Variants in CDH7 observed in about 807,000 individuals in gnomAD.
CDH7 encodes the protein cadherin-7.
CDH7 carries 25 observed loss-of-function variants against 71.8 expected under a neutral mutation model. The ratio of observed to expected loss-of-function variants is 0.35; its 90% CI spans 0.25 to 0.49. The LOEUF (loss-of-function observed/expected upper bound fraction) is 0.49, where lower values mean the gene tolerates loss of function less well. Ranked by LOEUF, CDH7 falls within the 20% of genes least tolerant of loss-of-function variation. CDH7 has a pLI of 0.99. For missense variants in CDH7, 862 were observed against 974.6 expected, an observed-to-expected ratio of 0.88 and a Z score of 1.54; for synonymous variants, 381 against 363.8, an observed-to-expected ratio of 1.05 and a Z score of -0.54.
At chr18:65,779,095 G>GA (rs1468628720) in intron 2 of CDH7, among the ~76,000 whole-genome samples, 27 of 150,436 alleles carry the variant, frequency 1.8e-4, no homozygotes, top group African/African-American at 6.4e-4. Context: ...TTTTTTAATG[G>GA]AAAAAATGAG....
At chr18:65,771,832 T>C (rs8092224) in intron 2 of CDH7, among the ~76,000 whole-genome samples, 151,514 of 152,276 alleles carry the variant, frequency 0.99, 75,379 homozygotes, top group Middle Eastern at 1. Flanking sequence ...GAGAGCCAAA[T>C]GACATTGGGG....
chr18:65,882,726 A>T lies in CDH7; in HGVS notation c.*1832A>T, dbSNP rs879140821. 6.6e-5 allele frequency: 10 copies of T among 152,250 alleles called. No homozygotes were observed. Among genetic ancestry groups the T allele is most frequent in the South Asian group, 4.1e-4 (2 of 4,828 alleles). The allele number at this position is 152,250 out of a possible 1,614,324, so 9.4% of individuals were successfully genotyped here. On this transcript the variant is annotated 3_prime_UTR_variant, in exon 12 of 12. Coordinates refer to ENST00000397968, the MANE Select transcript of CDH7 (RefSeq NM_004361.5). ...CTGTATTAATATGCATATATATTTTAAAAAATTATAACAGTGAAAGATACT... is the reference window on the plus strand; with the variant it reads ...CTGTATTAATATGCATATATATTTTTAAAAATTATAACAGTGAAAGATACT...
rs536119822 is a variant in CDH7 at position 65,765,427 on chromosome 18, T to C, written c.210+2375T>C. ...ACTTTGACTTAAGTACGTTTTTTAT[T>C]ACTTGGGTAAATAGACACATTTTCC... On this transcript the variant is annotated intron_variant, in intron 2 of 11. Coordinates refer to ENST00000397968, the MANE Select transcript of CDH7 (RefSeq NM_004361.5). Among the ~76,000 whole-genome samples, 8 of 151,870 alleles carry C rather than the reference T, an allele frequency of 5.3e-5. No individual in the cohort carries two copies. The South Asian group carries it at 8.3e-4, about 16-fold the overall frequency.
In CDH7 at chr18:65,805,432, T is replaced by C. The variant is rs1484722; in HGVS notation, c.211-4272T>C. ...GCCTGGGAGATAGTATGGAGTCAGA[T>C]TGGGACTCATGCCTAGAATTTTCGG... On this transcript the variant is annotated intron_variant, in intron 2 of 11. Transcript: ENST00000397968. Among the ~76,000 whole-genome samples the C allele has an allele frequency of 8.5e-3, 1,288 of 152,232 alleles. 14 individuals carry two copies. Among genetic ancestry groups the C allele is most frequent in the African/African-American group, 0.029 (1,210 of 41,546 alleles).
At chr18:65,821,495 G>C (rs780112942) in intron 4 of CDH7, among the ~76,000 whole-genome samples, 2 of 152,094 alleles carry the variant, frequency 1.3e-5, no homozygotes, top group Non-Finnish European at 2.9e-5. Flanking sequence ...TAGTGTATTA[G>C]AATAAATGAG....
At chr18:65,786,040 C>T (rs908701858) in intron 2 of CDH7, among the ~76,000 whole-genome samples, 5 of 152,010 alleles carry the variant, frequency 3.3e-5, no homozygotes, top group Admixed American at 6.6e-5. Flanking sequence ...AGATATTACC[C>T]GGAATAAATA....
chr18:65,809,253 T>C (rs1911435896), intron 2 of CDH7, among the ~76,000 whole-genome samples: 1 of 152,128 alleles, frequency 6.6e-6, no homozygotes, highest in African/African-American at 2.4e-5. Flanking sequence ...AAGGGCACCC[T>C]TAAATAATAT....
At chr18:65,857,084 A>G (rs1913386511) in intron 7 of CDH7, among the ~76,000 whole-genome samples, 1 of 151,680 alleles carries the variant, frequency 6.6e-6, no homozygotes, top group East Asian at 1.9e-4. Flanking sequence ...ATTACTAAGT[A>G]TATGCAAATG....
chr18:65,829,592 G>A lies in CDH7; in HGVS notation c.981+4761G>A, dbSNP rs908866900. 4.0e-5 allele frequency among the ~76,000 whole-genome samples: 6 copies of A among 151,782 alleles called. No homozygotes were observed. In the South Asian group the frequency reaches 1.2e-3, roughly 32 times the overall value. ...CTACTTGTAATTCCTGGAGAGCAAC[G>A]TAAAGTTTTTTCCAGTTCTTCAAAC... On this transcript the variant is annotated intron_variant, in intron 6 of 11. Transcript: ENST00000397968.
At chr18:65,849,389 CTTTTCT>C (rs1913059719) in intron 7 of CDH7, among the ~76,000 whole-genome samples, 1 of 113,512 alleles carries the variant, frequency 8.8e-6, no homozygotes, top group East Asian at 2.1e-4. Context: ...CTTTTCTTTT[CTTTTCT>C]TTTCTTTTCT....
intron 2 of CDH7, among the ~76,000 whole-genome samples, chr18:65,764,654 A>G (rs918094439): frequency 2.0e-5 from 3 of 152,080 alleles, no homozygotes; most frequent in Non-Finnish European, 4.4e-5. Context: ...ATAATATTCA[A>G]GTAATGTATA....
chr18:65,816,383 G>T (rs1299592064), intron 4 of CDH7, among the ~76,000 whole-genome samples: 1 of 151,942 alleles, frequency 6.6e-6, no homozygotes, highest in Non-Finnish European at 1.5e-5. Context: ...AAGGGCATGG[G>T]GAATTATAAA....
At chr18:65,861,304 G>A (rs1408693169) in intron 10 of CDH7, among the ~76,000 whole-genome samples, 8 of 147,622 alleles carry the variant, frequency 5.4e-5, no homozygotes, top group Admixed American at 1.4e-4. Flanking sequence ...GGGCATTTCA[G>A]CTTGTGTTCC....
intron 1 of CDH7, among the ~76,000 whole-genome samples, chr18:65,755,201 C>T (rs1161592584): frequency 6.6e-6 from 1 of 152,176 alleles, no homozygotes; most frequent in Non-Finnish European, 1.5e-5. Context: ...CTTTAAAATA[C>T]TCATTACATA....
intron 7 of CDH7, among the ~76,000 whole-genome samples, chr18:65,849,930 G>A (rs1309477821): frequency 4.6e-5 from 7 of 151,760 alleles, no homozygotes; most frequent in African/African-American, 9.7e-5. Context: ...TTGGGAGGCC[G>A]AGATGGGTGG....
chr18:65,835,539 A>G (rs1309799552), intron 6 of CDH7, among the ~76,000 whole-genome samples: 1 of 152,178 alleles, frequency 6.6e-6, no homozygotes, highest in African/African-American at 2.4e-5. Flanking sequence ...GCGTTCCAGG[A>G]AAACATATGC....
chr18:65,813,257 G>A (rs1911606583), intron 3 of CDH7, among the ~76,000 whole-genome samples: 1 of 152,204 alleles, frequency 6.6e-6, no homozygotes, highest in African/African-American at 2.4e-5. Flanking sequence ...ACTTGAACCT[G>A]CAAGGTGGAG....
chr18:65,875,627 C>T (rs1914051846), intron 11 of CDH7, among the ~76,000 whole-genome samples: 1 of 152,132 alleles, frequency 6.6e-6, no homozygotes, highest in Non-Finnish European at 1.5e-5. Flanking sequence ...TGGCTCACAC[C>T]TGTAATGCTA....
intron 7 of CDH7, among the ~76,000 whole-genome samples, chr18:65,852,220 A>G (rs1167756529): frequency 6.6e-6 from 1 of 152,172 alleles, no homozygotes; most frequent in African/African-American, 2.4e-5. Flanking sequence ...ATTTGTATGC[A>G]ACATAGTATG....
Sources: allele counts gnomAD v4.1 joint callset (sites outside exome capture counted in the v4.1 genomes callset), GRCh38; gene constraint gnomAD v4.1.1; transcripts MANE v1.5; gene names NCBI Gene and HGNC (gene_info 2026-07-23, HGNC 2026-07-21).